CCN2: variants seen among roughly 807,000 people sequenced by gnomAD.
The protein encoded by CCN2 is CCN family member 2.
In CCN2, 22 loss-of-function variants were observed where a neutral mutation model predicts 33.2. The observed-to-expected ratio is 0.66, with a 90% confidence interval of 0.47 to 0.95. The LOEUF (loss-of-function observed/expected upper bound fraction) is 0.95, where lower values mean the gene tolerates loss of function less well. Ranked by LOEUF, CCN2 falls within the 40% of genes least tolerant of loss-of-function variation. CCN2 has a pLI of 0.00. For missense variants in CCN2, 469 were observed against 498.8 expected (o/e 0.94, Z 0.57); for synonymous variants, 178 against 200.6 (o/e 0.89, Z 0.95).
At chr6:131,949,873 C>G in intron 4 of CCN2, 76 bp downstream of exon 4, 1 of 1,388,364 alleles carries the variant, frequency 7.2e-7, no homozygotes, top group Non-Finnish European at 1.0e-6. Flanking sequence ...TACTAACAAG[C>G]GTGGCAAGAG....
At chr6:131,949,923 ATAGT>A in intron 4 of CCN2, 22 bp downstream of exon 4, 1 of 1,609,636 alleles carries the variant, frequency 6.2e-7, no homozygotes, top group South Asian at 1.1e-5. Context: ...CCTGTGAAAA[ATAGT>A]TAATAGGAGC....
intron 4 of CCN2, 115 bp downstream of exon 4, chr6:131,949,834 G>T: frequency 9.6e-7 from 1 of 1,037,976 alleles, no homozygotes; most frequent in Non-Finnish European, 1.4e-6. Flanking sequence ...CAGCTCAATG[G>T]TTAGATAGTT....
At position 131,950,660 on chromosome 6, in the gene CCN2, G is replaced by A; in HGVS notation, c.289+110C>T. On this transcript the variant is annotated intron_variant, in intron 2 of 4. Coordinates refer to ENST00000367976, the MANE Select transcript of CCN2 (RefSeq NM_001901.4). This position sits in a 1 kb window ranked among gnomAD's most constrained non-coding sequence, Gnocchi z 7.1. ...GATCTGGGCTGCAGGGGGCGGGCTG[G>A]CAGCAGCTGGAGAAAGAAACTCAGT... The A allele has an allele frequency of 6.6e-7, 1 of 1,507,068 alleles. No individual in the cohort carries two copies. Among genetic ancestry groups the A allele is most frequent in the Non-Finnish European group, 9.0e-7 (1 of 1,114,162 alleles). 93.4% of individuals were successfully genotyped at this position (1,507,068 alleles called of 1,614,324 possible). A position where few individuals can be genotyped will look rare whatever the true frequency, so the allele number is the denominator to read the frequency against.
rs1247364599 is a variant in CCN2, at chr6:131,950,396, G to C, written c.437C>G (p.Pro146Arg). 1 of 1,614,116 alleles carries C rather than the reference G, an allele frequency of 6.2e-7. No homozygotes were observed. The highest frequency in any genetic ancestry group is 1.7e-5 in the Admixed American group (1 of 60,030). ...LCSMDVRLPS[P>R]DCPFPRRVKL... ...GACCCTCCTCGGGAAGGGGCAGTCA[G>C]GGCTGGGCAGACGAACGTCCATGCT... The change falls in exon 3 of 5, where the codon CCT becomes CGT. Residue 146 changes from proline to arginine, a missense_variant. By Grantham distance (103) the Pro-to-Arg change is moderately radical. Coordinates refer to ENST00000367976, the MANE Select transcript of CCN2 (RefSeq NM_001901.4). The surrounding 1 kb of genome is among the most constrained non-coding windows in gnomAD (Gnocchi z 7.1).
In CCN2 at chr6:131,950,912, G is replaced by T. The variant is rs1227280122; in HGVS notation, c.147C>A (p.Leu49=). The T allele has an allele frequency of 4.7e-6, 7 of 1,500,748 alleles. No individual in the cohort carries two copies. The East Asian group carries it at 8.2e-5, about 18-fold the overall frequency. 93.0% of individuals were successfully genotyped at this position (1,500,748 alleles called of 1,614,324 possible). The change falls in exon 2 of 5, where the codon CTC becomes CTA. Residue 49 remains leucine, a synonymous_variant. Transcript: ENST00000367976. The surrounding 1 kb of genome is among the most constrained non-coding windows in gnomAD (Gnocchi z 7.1). ...GGCAGCAGCCGCAGCCGTCCAGCAC[G>T]AGGCTCACGCCCGCCGGGCAGCGCG... The part of the protein sequence containing the change: ...PAPRCPAGVS[L]VLDGCGCCRV...
Position 131,951,153 on chromosome 6 carries a change from C to G in CCN2, c.20G>C (p.Gly7Ala). ...GACCACGAAGGCGACGCGGACGGGG[C>G]CCATACTGGCGGCGGTCATGGTTGG... MTAASM[G>A]PVRVAFVVLL... Residue 7 changes from glycine (G) to alanine (A), a missense_variant, in exon 1 of 5, where the codon GGC (glycine) becomes GCC (alanine). Gly to Ala is a moderately conservative substitution (Grantham distance 60). Coordinates refer to ENST00000367976, the MANE Select transcript of CCN2 (RefSeq NM_001901.4). 1 of 1,343,870 alleles carries G rather than the reference C, an allele frequency of 7.4e-7. No homozygotes were observed. The allele number at this position is 1,343,870 out of a possible 1,614,324, so 83.2% of individuals were successfully genotyped here. A position where few individuals can be genotyped will look rare whatever the true frequency, so the allele number is the denominator to read the frequency against.
Position 131,948,707 on chromosome 6 carries a change from A to T in CCN2, c.*557T>A, listed in dbSNP as rs1275002080. On this transcript the variant is annotated 3_prime_UTR_variant, in exon 5 of 5. Coordinates refer to ENST00000367976, the MANE Select transcript of CCN2 (RefSeq NM_001901.4). Reference sequence around the variant, plus strand: ...TTAAAAAATCTGGCTTGTTACAGGCAAATTCACTTGCCACAAGCTGTCCAG... The same window carrying T: ...TTAAAAAATCTGGCTTGTTACAGGCTAATTCACTTGCCACAAGCTGTCCAG... 1 of 158,132 alleles carries T rather than the reference A, an allele frequency of 6.3e-6. No individual in the cohort carries two copies. The highest frequency in any genetic ancestry group is 1.4e-5 in the Non-Finnish European group (1 of 70,878). The allele number at this position is 158,132 out of a possible 1,614,324, so 9.8% of individuals were successfully genotyped here. A position where few individuals can be genotyped will look rare whatever the true frequency, so the allele number is the denominator to read the frequency against.
At position 131,949,130 on chromosome 6, in the gene CCN2, G is replaced by C; in HGVS notation, c.*134C>G. The stretch of plus-strand genomic sequence containing the variant: ...TGACATGGCACAATGTTTTGAATTG[G>C]GTGGGAATCTTTTCCCCCAGTTAGA... On this transcript the variant is annotated 3_prime_UTR_variant, in exon 5 of 5. Coordinates refer to ENST00000367976, the MANE Select transcript of CCN2 (RefSeq NM_001901.4). The C allele has an allele frequency of 1.3e-6, 1 of 767,480 alleles. No homozygotes were observed. The highest frequency in any genetic ancestry group is 2.6e-5 in the East Asian group (1 of 39,160). The allele number at this position is 767,480 out of a possible 1,614,324, so 47.5% of individuals were successfully genotyped here.
At chr6:131,951,079 G>T in intron 1 of CCN2, 28 bp downstream of exon 1, 1 of 1,295,198 alleles carries the variant, frequency 7.7e-7, no homozygotes, top group Non-Finnish European at 9.8e-7. Flanking sequence ...GGCAGCCGCC[G>T]GCCGCAGCGG....
In CCN2 at chr6:131,950,264, C is replaced by T. The variant is rs1783084712; in HGVS notation, c.541+28G>A. ...CTCCCTCCCTGGGAGAGAATCACGACCCTGACTTAGAGGAAGACTCGACTC... is the reference window on the plus strand; with the variant it reads ...CTCCCTCCCTGGGAGAGAATCACGATCCTGACTTAGAGGAAGACTCGACTC... On this transcript the variant is annotated intron_variant, in intron 3 of 4. Coordinates refer to ENST00000367976, the MANE Select transcript of CCN2 (RefSeq NM_001901.4). This position sits in a 1 kb window ranked among gnomAD's most constrained non-coding sequence, Gnocchi z 7.1. 3 of 1,610,772 alleles carry T rather than the reference C, an allele frequency of 1.9e-6. No homozygotes were observed. Among genetic ancestry groups the T allele is most frequent in the African/African-American group, 2.7e-5 (2 of 74,872 alleles).
rs1282802281 is a variant in CCN2, at chr6:131,950,783, G to T, written c.276C>A (p.Ile92=). Residue 92 remains isoleucine, a synonymous_variant, in exon 2 of 5, where the codon ATC becomes ATA. Transcript: ENST00000367976. The surrounding 1 kb of genome is among the most constrained non-coding windows in gnomAD (Gnocchi z 7.1). ...TGCGGGTCTTACCGGTGCACACGCC[G>T]ATCTTGCGGTTGGCCGGGGAGCCGA... is the stretch of plus-strand genomic sequence containing the variant. ...CHFGSPANRK[I]GVCTAKDGAP... is the part of the protein sequence containing the mutation. The T allele has an allele frequency of 2.6e-6, 4 of 1,544,190 alleles. No individual in the cohort carries two copies. The African/African-American group carries it at 4.1e-5, about 16-fold the overall frequency.
chr6:131,949,483 C>G lies in CCN2; in HGVS notation c.831G>C (p.Lys277Asn). 11 of 1,607,506 alleles carry G rather than the reference C, an allele frequency of 6.8e-6. No homozygotes were observed. Among genetic ancestry groups the G allele is most frequent in the Non-Finnish European group, 9.4e-6 (11 of 1,175,882 alleles). ...KFELSGCTSMKTYRAKFCGVC... is the reference protein window; with the variant it reads ...KFELSGCTSMNTYRAKFCGVC... ...CTCCACAGAATTTAGCTCGGTATGT[C>G]TTCATGCTGGTGCAGCCAGAAAGCT... The change falls in exon 5 of 5, where the codon AAG (lysine) becomes AAC (asparagine). Residue 277 changes from lysine (K) to asparagine (N), a missense_variant. By Grantham distance (94) the Lys-to-Asn change is moderately conservative. Transcript: ENST00000367976.
In CCN2 at chr6:131,949,004, C is replaced by T. The variant is rs748780797; in HGVS notation, c.*260G>A. On this transcript the variant is annotated 3_prime_UTR_variant, in exon 5 of 5. Coordinates refer to ENST00000367976, the MANE Select transcript of CCN2 (RefSeq NM_001901.4). ...TGGTACCCTCCCACTGCTCCTAAAG[C>T]CACACCTTAATATACATTCTGGTGC... 93 of 498,166 alleles carry T rather than the reference C, an allele frequency of 1.9e-4. No individual in the cohort carries two copies. Among genetic ancestry groups the T allele is most frequent in the Non-Finnish European group, 3.3e-4 (89 of 273,800 alleles). The allele number at this position is 498,166 out of a possible 1,614,324, so 30.9% of individuals were successfully genotyped here. A position where few individuals can be genotyped will look rare whatever the true frequency, so the allele number is the denominator to read the frequency against.
In CCN2 at chr6:131,951,299, CG is replaced by C. The variant is rs766129124; in HGVS notation, c.-128del. 3 of 800,810 alleles carry C rather than the reference CG, an allele frequency of 3.7e-6. No homozygotes were observed. Among genetic ancestry groups the C allele is most frequent in the East Asian group, 3.7e-5 (1 of 26,984 alleles). The allele number at this position is 800,810 out of a possible 1,614,324, so 49.6% of individuals were successfully genotyped here. ...GGGCTGTCGTCTCGGGGCTGTCGGC[CG>C]GGGCGGCTGCCGTCGAGCTGGAGGG... On this transcript the variant is annotated 5_prime_UTR_variant, in exon 1 of 5. Coordinates refer to ENST00000367976, the MANE Select transcript of CCN2 (RefSeq NM_001901.4).
In CCN2 at chr6:131,950,580, C is replaced by T. The variant is rs758552195; in HGVS notation, c.290-37G>A. 2 of 1,602,636 alleles carry T rather than the reference C, an allele frequency of 1.2e-6. No individual in the cohort carries two copies. The highest frequency in any genetic ancestry group is 2.2e-5 in the South Asian group (2 of 89,378). On this transcript the variant is annotated intron_variant, in intron 2 of 4. Coordinates refer to ENST00000367976, the MANE Select transcript of CCN2 (RefSeq NM_001901.4). The surrounding 1 kb of genome is among the most constrained non-coding windows in gnomAD (Gnocchi z 7.1). ...GAAGGGAAGAGAGGGGTGGGGGATGCAGAGGTCAGGCATTGGGGCACTCTC... is the reference window on the plus strand; with the variant it reads ...GAAGGGAAGAGAGGGGTGGGGGATGTAGAGGTCAGGCATTGGGGCACTCTC...
rs959044702 is a variant in CCN2, at chr6:131,950,349, C to T, written c.484G>A (p.Glu162Lys). Residue 162 changes from glutamate (E) to lysine (K), a missense_variant, in exon 3 of 5, where the codon GAG becomes AAG. Transcript: ENST00000367976. The surrounding 1 kb of genome is among the most constrained non-coding windows in gnomAD (Gnocchi z 7.1). ...RRVKLPGKCC[E>K]EWVCDEPKDQ... The stretch of plus-strand genomic sequence containing the variant: ...TTGGGCTCGTCACACACCCACTCCT[C>T]GCAGCATTTCCCGGGCAGCTTGACC... 1 of 1,614,178 alleles carries T rather than the reference C, an allele frequency of 6.2e-7. No individual in the cohort carries two copies. The highest frequency in any genetic ancestry group is 1.3e-5 in the African/African-American group (1 of 75,054).
rs1418951719 is a variant in CCN2 at position 131,948,540 on chromosome 6, A to C, written c.*724T>G. The C allele has an allele frequency of 2.6e-5, 4 of 152,644 alleles. No homozygotes were observed. Among genetic ancestry groups the C allele is most frequent in the African/African-American group, 9.7e-5 (4 of 41,446 alleles). The allele number at this position is 152,644 out of a possible 1,614,324, so 9.5% of individuals were successfully genotyped here. A position where few individuals can be genotyped will look rare whatever the true frequency, so the allele number is the denominator to read the frequency against. The stretch of plus-strand genomic sequence containing the variant: ...GCTTTACATTCTACCTATGGTGTTC[A>C]GAAATTGAGGCTAACATTGAAATAT... On this transcript the variant is annotated 3_prime_UTR_variant, in exon 5 of 5. Transcript: ENST00000367976.
In CCN2 at chr6:131,950,502, G is replaced by C. The variant is rs1783088657; in HGVS notation, c.331C>G (p.Arg111Gly). The change falls in exon 3 of 5, where the codon CGC becomes GGC. Residue 111 changes from arginine to glycine, a missense_variant. By Grantham distance (125) the Arg-to-Gly change is moderately radical. Coordinates refer to ENST00000367976, the MANE Select transcript of CCN2 (RefSeq NM_001901.4). The surrounding 1 kb of genome is among the most constrained non-coding windows in gnomAD (Gnocchi z 7.1). ...CTGCTCTGGAAGGACTCTCCGCTGC[G>C]GTACACCGTACCACCGAAGATGCAG... ...APCIFGGTVY[R>G]SGESFQSSCK... The C allele has an allele frequency of 6.2e-7, 1 of 1,613,762 alleles. No homozygotes were observed. The highest frequency in any genetic ancestry group is 8.5e-7 in the Non-Finnish European group (1 of 1,180,024).
chr6:131,950,726 G>T lies in CCN2; in HGVS notation c.289+44C>A. On this transcript the variant is annotated intron_variant, in intron 2 of 4. Coordinates refer to ENST00000367976, the MANE Select transcript of CCN2 (RefSeq NM_001901.4). The surrounding 1 kb of genome is among the most constrained non-coding windows in gnomAD (Gnocchi z 7.1). ...TTCCAGCGGGCGGGTGGGCGTGAGGGAGGAGGCGGCCGGACACCTAGCGGT... is the reference window on the plus strand; with the variant it reads ...TTCCAGCGGGCGGGTGGGCGTGAGGTAGGAGGCGGCCGGACACCTAGCGGT... The T allele has an allele frequency of 6.7e-7, 1 of 1,497,432 alleles. No individual in the cohort carries two copies. The highest frequency in any genetic ancestry group is 2.4e-5 in the East Asian group (1 of 41,564). The allele number at this position is 1,497,432 out of a possible 1,614,324, so 92.8% of individuals were successfully genotyped here.
Sources: allele counts gnomAD v4.1 joint callset, GRCh38; gene constraint gnomAD v4.1.1; non-coding constraint Gnocchi (gnomAD v3.1); transcripts MANE v1.5; gene names NCBI Gene and HGNC (gene_info 2026-07-23, HGNC 2026-07-21).